The following RARB variants were observed in gnomAD, a reference collection of about 807,000 sequenced individuals.
RARB encodes the protein retinoic acid receptor beta.
A neutral mutation model predicts 51.9 loss-of-function variants in RARB; 17 were observed. The observed-to-expected ratio is 0.33, with a 90% CI of 0.22 to 0.49. The LOEUF (loss-of-function observed/expected upper bound fraction) is 0.49. Among genes scored for constraint, RARB ranks in the 20% least tolerant of loss-of-function variants. RARB has a pLI of 0.99. For missense variants in RARB, 369 were observed against 550.8 expected (o/e 0.67, Z 3.30); for synonymous variants, 215 against 195.4 (o/e 1.10, Z -0.84).
intron 2 of RARB, among the ~76,000 whole-genome samples, chr3:24,883,321 C>T (rs1236386148): frequency 6.7e-6 from 1 of 148,634 alleles, no homozygotes; most frequent in East Asian, 2.0e-4. Context: ...TTCACATTTA[C>T]TTGGGCATGT....
intron 5 of RARB, among the ~76,000 whole-genome samples, chr3:25,399,965 G>A (rs143587639): frequency 3.9e-5 from 6 of 152,258 alleles, no homozygotes; most frequent in Non-Finnish European, 8.8e-5. Flanking sequence ...TTCCTTACTT[G>A]CAAAACGGGG....
intron 2 of RARB, among the ~76,000 whole-genome samples, chr3:24,920,943 G>A (rs912672708): frequency 1.3e-5 from 2 of 152,128 alleles, no homozygotes; most frequent in Admixed American, 1.3e-4. Context: ...GCTCTCTTAA[G>A]CTTTCTATGG....
At chr3:25,116,401 T>C (rs934228788) in intron 3 of RARB, among the ~76,000 whole-genome samples, 27 of 149,990 alleles carry the variant, frequency 1.8e-4, no homozygotes, top group African/African-American at 6.6e-4. Context: ...TCCCCATCTT[T>C]ATCAAACAGA....
chr3:25,136,684 G>T lies in RARB; in HGVS notation c.-280+4476G>T, dbSNP rs139260148. 1.6e-4 allele frequency among the ~76,000 whole-genome samples: 25 copies of T among 152,132 alleles called. No individual in the cohort carries two copies. The East Asian group carries it at 4.8e-3, about 29-fold the overall frequency. ...CTTCAATTAATAATACACGTTAGAA[G>T]CAGTGTGCTAACTGGGAGGGAAGAT... On this transcript the variant is annotated intron_variant, in intron 4 of 11. Coordinates refer to the RARB transcript ENST00000383772.
intron 3 of RARB, among the ~76,000 whole-genome samples, chr3:25,094,351 A>G (rs963104290): frequency 1.3e-5 from 2 of 152,102 alleles, no homozygotes; most frequent in Non-Finnish European, 2.9e-5. Flanking sequence ...AGCACCTACT[A>G]TGTCCTGGGC....
rs113492874 is a variant in RARB at position 25,333,565 on chromosome 3, A to C, written c.179-127628A>C. ...AGACTTAAATGTTAGACCTAAAACCATAAAAACCTTAGAAGAAAACCTAGG... is the reference window on the plus strand; with the variant it reads ...AGACTTAAATGTTAGACCTAAAACCCTAAAAACCTTAGAAGAAAACCTAGG... On this transcript the variant is annotated intron_variant, in intron 5 of 11. Coordinates refer to the RARB transcript ENST00000383772. 7.5e-3 allele frequency among the ~76,000 whole-genome samples: 1,144 copies of C among 152,362 alleles called. 10 individuals carry two copies. The highest frequency in any genetic ancestry group is 0.024 in the African/African-American group (1,001 of 41,592).
chr3:25,245,929 A>G (rs2125398831), intron 5 of RARB, among the ~76,000 whole-genome samples: 1 of 152,096 alleles, frequency 6.6e-6, no homozygotes, highest in East Asian at 1.9e-4. Flanking sequence ...ACTTAATTCC[A>G]TTTTCCTCAT....
chr3:25,314,927 T>G (rs1575305469), intron 5 of RARB, among the ~76,000 whole-genome samples: 1 of 152,176 alleles, frequency 6.6e-6, no homozygotes, highest in Admixed American at 6.5e-5. Context: ...CTCCCACTTA[T>G]GAGAACATGG....
intron 2 of RARB, among the ~76,000 whole-genome samples, chr3:24,903,794 G>T (rs1243053318): frequency 1.3e-5 from 2 of 152,124 alleles, no homozygotes; most frequent in Non-Finnish European, 2.9e-5. Context: ...AACATGAGAA[G>T]ACTGAAATAT....
intron 3 of RARB, among the ~76,000 whole-genome samples, chr3:25,563,213 C>T (rs774356258): frequency 1.3e-5 from 2 of 152,200 alleles, no homozygotes; most frequent in Non-Finnish European, 2.9e-5. Flanking sequence ...CTACATGTTG[C>T]AGACTCAGAG....
At chr3:25,018,745 C>CT (rs1697567361) in intron 2 of RARB, among the ~76,000 whole-genome samples, 1 of 152,188 alleles carries the variant, frequency 6.6e-6, no homozygotes, top group African/African-American at 2.4e-5. Flanking sequence ...AACTATCCTT[C>CT]TCAGGCTTAA....
Position 24,868,072 on chromosome 3 carries a change from G to T in RARB, c.-380+9320G>T, listed in dbSNP as rs74810292. Among the ~76,000 whole-genome samples the T allele has an allele frequency of 6.5e-3, 996 of 152,256 alleles. 11 individuals are homozygous for T. Among genetic ancestry groups the T allele is most frequent in the African/African-American group, 0.023 (943 of 41,546 alleles). The stretch of plus-strand genomic sequence containing the variant: ...AGAAAAAACGGGGCTTGATATCCGA[G>T]TTGTAAGAACTATCTGTGAAATTAC... On this transcript the variant is annotated intron_variant, in intron 2 of 11. Transcript: ENST00000383772.
chr3:25,172,390 A>G (rs1401595014), intron 4 of RARB, among the ~76,000 whole-genome samples: 1 of 152,194 alleles, frequency 6.6e-6, no homozygotes, highest in Non-Finnish European at 1.5e-5. Flanking sequence ...ACTCACTGAG[A>G]CCTACTCTTC....
chr3:25,194,684 GAA>G (rs1306901324), intron 5 of RARB, among the ~76,000 whole-genome samples: 1 of 151,202 alleles, frequency 6.6e-6, no homozygotes, highest in Non-Finnish European at 1.5e-5. Context: ...CCAATGCACT[GAA>G]GTTTTAAATA....
chr3:25,053,678 A>T (rs148532361), intron 2 of RARB, among the ~76,000 whole-genome samples: 44 of 152,296 alleles, frequency 2.9e-4, no homozygotes, highest in African/African-American at 9.1e-4. Flanking sequence ...GTGTTCCATA[A>T]ATGTTGATGG....
At chr3:25,291,379 A>T (rs1386109085) in intron 5 of RARB, among the ~76,000 whole-genome samples, 6 of 152,036 alleles carry the variant, frequency 3.9e-5, no homozygotes, top group African/African-American at 1.4e-4. Context: ...CTTTGTACTC[A>T]TGTTTTCAAG....
intron 2 of RARB, among the ~76,000 whole-genome samples, chr3:25,022,509 C>G (rs1270120589): frequency 6.6e-6 from 1 of 152,156 alleles, no homozygotes; most frequent in Non-Finnish European, 1.5e-5. Flanking sequence ...TTTAAAAACT[C>G]TGGTCAAACT....
intron 5 of RARB, among the ~76,000 whole-genome samples, chr3:25,246,842 A>G (rs1412826351): frequency 6.6e-6 from 1 of 152,194 alleles, no homozygotes; most frequent in Non-Finnish European, 1.5e-5. Context: ...AGCAGAGCTC[A>G]AGCCCTGTGC....
intron 4 of RARB, among the ~76,000 whole-genome samples, chr3:25,146,870 C>T (rs1338028990): frequency 6.6e-6 from 1 of 152,172 alleles, no homozygotes; most frequent in Non-Finnish European, 1.5e-5. Context: ...TTTCGCTAAG[C>T]TGTCGTACTG....
Sources: gnomAD v4.1 joint callset for allele counts (sites outside exome capture counted in the v4.1 genomes callset) on GRCh38, gnomAD v4.1.1 for gene constraint, MANE v1.5 for transcripts, NCBI Gene and HGNC (gene_info 2026-07-23, HGNC 2026-07-21) for gene names.